The following NRG1 variants were observed in gnomAD, a reference collection of about 807,000 sequenced individuals.
NRG1 encodes the protein pro-neuregulin-1, membrane-bound isoform.
A neutral mutation model predicts 63.8 loss-of-function variants in NRG1; 18 were observed. The observed-to-expected ratio is 0.28, with a 90% CI of 0.19 to 0.42. NRG1 has a LOEUF of 0.42. Ranked by LOEUF, NRG1 falls within the 10% of genes least tolerant of loss-of-function variation. NRG1 has a pLI of 1.00. For missense variants in NRG1, 762 were observed against 814.7 expected (o/e 0.94, Z 0.79); for synonymous variants, 302 against 301.3 (o/e 1.00, Z -0.02).
chr8:32,176,648 C>G (rs1308241500), intron 1 of NRG1, among the ~76,000 whole-genome samples: 2 of 152,010 alleles, frequency 1.3e-5, no homozygotes, highest in Admixed American at 6.6e-5. Context: ...ACAAACAACC[C>G]CATCAAAAAG....
At chr8:32,509,114 A>AT (rs143845882) in intron 1 of NRG1, among the ~76,000 whole-genome samples, 25,487 of 147,922 alleles carry the variant, frequency 0.17, 2,207 homozygotes, top group South Asian at 0.2. Flanking sequence ...ATTTTATTTT[A>AT]TTTTTTGCGA....
At chr8:32,105,132 G>C (rs1831094097) in intron 1 of NRG1, among the ~76,000 whole-genome samples, 1 of 152,052 alleles carries the variant, frequency 6.6e-6, no homozygotes, top group Admixed American at 6.6e-5. Flanking sequence ...GACATTATGA[G>C]GGCTATGATG....
chr8:32,503,085 ACCAT>A (rs1221471624), intron 1 of NRG1, among the ~76,000 whole-genome samples: 4 of 151,704 alleles, frequency 2.6e-5, no homozygotes, highest in Non-Finnish European at 5.9e-5. Context: ...GGAGATGGAG[ACCAT>A]CCTGGCTAAC....
At chr8:31,731,635 T>C (rs1814079336) in intron 1 of NRG1, among the ~76,000 whole-genome samples, 1 of 152,154 alleles carries the variant, frequency 6.6e-6, no homozygotes, top group Non-Finnish European at 1.5e-5. Context: ...TTGAAAAATA[T>C]TTAAACAGAA....
At chr8:31,924,406 A>G (rs1227834875) in intron 1 of NRG1, among the ~76,000 whole-genome samples, 1 of 152,012 alleles carries the variant, frequency 6.6e-6, no homozygotes, top group Non-Finnish European at 1.5e-5. Context: ...TCATTGACAT[A>G]AAGTTACTGT....
intron 1 of NRG1, among the ~76,000 whole-genome samples, chr8:31,957,989 C>T (rs780538848): frequency 6.6e-6 from 1 of 151,938 alleles, no homozygotes; most frequent in Non-Finnish European, 1.5e-5. Context: ...AAGATTAAAT[C>T]TGTATCCTCT....
chr8:32,647,519 A>C (rs982601468), intron 5 of NRG1: 37 of 985,076 alleles, frequency 3.8e-5, no homozygotes, highest in Non-Finnish European at 4.3e-5. Flanking sequence ...AATTATTACG[A>C]TATACTTTGA....
At chr8:32,311,114 C>A (rs1856761639) in intron 1 of NRG1, among the ~76,000 whole-genome samples, 1 of 152,198 alleles carries the variant, frequency 6.6e-6, no homozygotes, top group Non-Finnish European at 1.5e-5. Context: ...GGGGAAACGA[C>A]TATGCCATTC....
chr8:31,738,282 C>CTGTAG (rs1814897886), intron 1 of NRG1, among the ~76,000 whole-genome samples: 1 of 152,080 alleles, frequency 6.6e-6, no homozygotes, highest in African/African-American at 2.4e-5. Flanking sequence ...GAGGTTGGTA[C>CTGTAG]TGTAGTGCTT....
At chr8:31,843,597 G>A (rs899757682) in intron 1 of NRG1, among the ~76,000 whole-genome samples, 4 of 152,100 alleles carry the variant, frequency 2.6e-5, no homozygotes, top group African/African-American at 4.8e-5. Context: ...TAGAGTTTGG[G>A]GGAGGGCTGA....
chr8:32,314,944 G>T (rs1336930941), intron 1 of NRG1, among the ~76,000 whole-genome samples: 1 of 152,162 alleles, frequency 6.6e-6, no homozygotes, highest in Non-Finnish European at 1.5e-5. Context: ...CCACCACCAG[G>T]CTAATTCTGA....
exon 12 of NRG1, chr8:32,763,861 T>C (rs549054283): frequency 1.2e-6 from 2 of 1,614,052 alleles, no homozygotes; most frequent in East Asian, 2.2e-5. Context: ...AGCATGACGG[T>C]GTCCATGCCT....
At chr8:31,788,885 G>A (rs2131646816) in intron 1 of NRG1, among the ~76,000 whole-genome samples, 2 of 152,308 alleles carry the variant, frequency 1.3e-5, no homozygotes, top group Middle Eastern at 3.4e-3. Flanking sequence ...GTCTCTTATA[G>A]TGAGGCAGTA....
At chr8:31,781,166 T>C (rs1819644949) in intron 1 of NRG1, among the ~76,000 whole-genome samples, 4 of 152,214 alleles carry the variant, frequency 2.6e-5, no homozygotes, top group Admixed American at 2.6e-4. Flanking sequence ...TTATTCATTC[T>C]TTATTCTGGA....
intron 1 of NRG1, among the ~76,000 whole-genome samples, chr8:31,877,392 T>G (rs1830010379): frequency 6.6e-6 from 1 of 152,082 alleles, no homozygotes; most frequent in Non-Finnish European, 1.5e-5. Flanking sequence ...AACAGCTTAT[T>G]TGAAATGTGT....
At chr8:31,919,545 A>G (rs1200654673) in intron 1 of NRG1, among the ~76,000 whole-genome samples, 1 of 152,140 alleles carries the variant, frequency 6.6e-6, no homozygotes, top group Non-Finnish European at 1.5e-5. Flanking sequence ...ATAGTTTCAA[A>G]TAGATTTTAA....
At chr8:32,608,092 G>GTTTTTTTTTGTTTTT (rs1845600747) in intron 3 of NRG1, among the ~76,000 whole-genome samples, 3 of 106,156 alleles carry the variant, frequency 2.8e-5, no homozygotes, top group African/African-American at 6.7e-5. Flanking sequence ...GGTTTTTTTT[G>GTTTTTTTTTGTTTTT]TTTTTTTTTT....
intron 1 of NRG1, among the ~76,000 whole-genome samples, chr8:32,476,770 A>G (rs535421456): frequency 6.6e-6 from 1 of 152,296 alleles, no homozygotes; most frequent in African/African-American, 2.4e-5. Context: ...TAACACAGAG[A>G]CAGCTTTTCT....
At chr8:32,056,857 A>G (rs1168406190) in intron 1 of NRG1, among the ~76,000 whole-genome samples, 1 of 152,206 alleles carries the variant, frequency 6.6e-6, no homozygotes, top group African/African-American at 2.4e-5. Context: ...AAATGCTAAA[A>G]GCTGGATTCT....
Sources: allele counts gnomAD v4.1 joint callset (sites outside exome capture counted in the v4.1 genomes callset), GRCh38; gene constraint gnomAD v4.1.1; transcripts MANE v1.5; gene names NCBI Gene and HGNC (gene_info 2026-07-23, HGNC 2026-07-21).